The following MALL variants were observed in gnomAD, a reference collection of about 807,000 sequenced individuals.
The protein encoded by MALL is mal, T cell differentiation protein like, also known as MAL-like protein.
In MALL, 2 loss-of-function variants were observed where a neutral mutation model predicts 10.3. The ratio of observed to expected loss-of-function variants is 0.19; its 90% CI spans 0.08 to 0.61. The LOEUF is 0.61. Ranked by LOEUF, MALL falls within the 20% of genes least tolerant of loss-of-function variation. The pLI, the probability that MALL is intolerant of heterozygous loss-of-function variation, is 0.88. For synonymous variants in MALL, 27 were observed against 51.8 expected (o/e 0.52, Z 2.05); for missense variants, 39 against 115.2 (o/e 0.34, Z 3.03).
intron 1 of MALL, among the ~76,000 whole-genome samples, chr2:110,102,379 C>G (rs953161279): frequency 6.6e-6 from 1 of 152,212 alleles, no homozygotes; most frequent in Non-Finnish European, 1.5e-5. Context: ...TCTCTCTTTT[C>G]TCTTCCCTGC....
chr2:110,106,808 A>T (rs924482649), intron 1 of MALL, among the ~76,000 whole-genome samples: 2 of 152,146 alleles, frequency 1.3e-5, no homozygotes, highest in Non-Finnish European at 1.5e-5. Flanking sequence ...AACTGGAAAC[A>T]GGCAAACTGT....
intron 1 of MALL, among the ~76,000 whole-genome samples, chr2:110,098,101 A>G (rs1245316767): frequency 6.6e-6 from 1 of 151,798 alleles, no homozygotes; most frequent in Non-Finnish European, 1.5e-5. Flanking sequence ...TGCCATTGTG[A>G]TATTTCAGGA....
At chr2:110,116,465 C>T (rs1678924840), upstream of MALL, 1 of 152,376 alleles carries the variant, frequency 6.6e-6, no homozygotes, top group Non-Finnish European at 1.5e-5. Context: ...TCCTCCACTC[C>T]TCTTTTCCTC....
At chr2:110,095,980 C>G (rs1262732351) in intron 1 of MALL, among the ~76,000 whole-genome samples, 5 of 152,174 alleles carry the variant, frequency 3.3e-5, no homozygotes, top group Non-Finnish European at 5.9e-5. Context: ...AAAACAAAAA[C>G]TTATTTGGTC....
At chr2:110,100,489 A>AG (rs1678540889) in intron 1 of MALL, among the ~76,000 whole-genome samples, 2 of 151,796 alleles carry the variant, frequency 1.3e-5, no homozygotes, top group East Asian at 1.9e-4. Context: ...TAAAAAAAAA[A>AG]AACTTAAGCA....
chr2:110,112,485 TCAA>T (rs1463360656), intron 1 of MALL, among the ~76,000 whole-genome samples: 1 of 152,038 alleles, frequency 6.6e-6, no homozygotes, highest in Non-Finnish European at 1.5e-5. Flanking sequence ...GAAAAAATGC[TCAA>T]CATCACTAAT....
At chr2:110,108,136 C>G (rs1217217496) in intron 1 of MALL, among the ~76,000 whole-genome samples, 1 of 152,066 alleles carries the variant, frequency 6.6e-6, no homozygotes, top group African/African-American at 2.4e-5. Flanking sequence ...ATCTTCAATA[C>G]CCCCCAAAAT....
At position 110,100,015 on chromosome 2, in the gene MALL, A is replaced by G. The variant is rs189622974; in HGVS notation, c.106-8245T>C. Among the ~76,000 whole-genome samples, 54 of 151,928 alleles carry G rather than the reference A, an allele frequency of 3.6e-4. No individual in the cohort carries two copies. In the East Asian group the frequency reaches 9.5e-3, roughly 27 times the overall value. Reference sequence around the variant, plus strand: ...CCCATACCCCTCACCCTCTCTTCAAACACTCCACTGCCTCACCTGACTCCC... The same window carrying G: ...CCCATACCCCTCACCCTCTCTTCAAGCACTCCACTGCCTCACCTGACTCCC... On this transcript the variant is annotated intron_variant, in intron 1 of 3. Coordinates refer to ENST00000272462, the MANE Select transcript of MALL (RefSeq NM_005434.5).
intron 1 of MALL, among the ~76,000 whole-genome samples, chr2:110,113,030 G>T (rs1049588042): frequency 3.3e-5 from 5 of 151,994 alleles, no homozygotes; most frequent in Admixed American, 6.6e-5. Context: ...ACCAAACATC[G>T]TATGTTCTCA....
rs142141404 is a variant in MALL at position 110,105,970 on chromosome 2, G to A, written c.105+9718C>T. On this transcript the variant is annotated intron_variant, in intron 1 of 3. Coordinates refer to ENST00000272462, the MANE Select transcript of MALL (RefSeq NM_005434.5). Reference sequence around the variant, plus strand: ...GGGTAAGACATACAATGAACTTGCCGAACTGGAAGAGCTCAGGATGAACTT... The same window carrying A: ...GGGTAAGACATACAATGAACTTGCCAAACTGGAAGAGCTCAGGATGAACTT... Among the ~76,000 whole-genome samples the A allele has an allele frequency of 3.4e-4, 52 of 152,282 alleles. No individual in the cohort carries two copies. The East Asian group carries it at 7.5e-3, about 22-fold the overall frequency.
chr2:110,090,158 G>GT (rs1165232804), intron 2 of MALL, among the ~76,000 whole-genome samples: 1 of 138,754 alleles, frequency 7.2e-6, no homozygotes, highest in Non-Finnish European at 1.5e-5. Context: ...AATACACAGT[G>GT]TTTTTAATGT....
At chr2:110,111,021 C>T (rs918136292) in intron 1 of MALL, among the ~76,000 whole-genome samples, 6 of 152,098 alleles carry the variant, frequency 3.9e-5, no homozygotes, top group African/African-American at 1.2e-4. Flanking sequence ...TCCAGCATTG[C>T]TTTATTGTCA....
At chr2:110,111,799 A>G (rs551916863) in intron 1 of MALL, among the ~76,000 whole-genome samples, 1 of 152,264 alleles carries the variant, frequency 6.6e-6, no homozygotes, top group Non-Finnish European at 1.5e-5. Context: ...AAAAGAACAA[A>G]TCTGGAGGCA....
chr2:110,113,435 CAAAAAAAAAAAAAAAAA>C (rs58360665), intron 1 of MALL, among the ~76,000 whole-genome samples: 5 of 31,812 alleles, frequency 1.6e-4, no homozygotes, highest in African/African-American at 3.7e-4. Flanking sequence ...GACTCTGTCT[CAAAAAAAAAAAAAAAAA>C]AAAAAAAAGA....
chr2:110,112,409 A>C (rs1274939104), intron 1 of MALL, among the ~76,000 whole-genome samples: 1 of 152,172 alleles, frequency 6.6e-6, no homozygotes, highest in Non-Finnish European at 1.5e-5. Flanking sequence ...CAATCCCATC[A>C]AAAAGTGGGC....
chr2:110,107,319 C>T (rs1678717555), intron 1 of MALL, among the ~76,000 whole-genome samples: 1 of 151,890 alleles, frequency 6.6e-6, no homozygotes, highest in East Asian at 1.9e-4. Flanking sequence ...ATCTTGCCCT[C>T]CACCTAGAAA....
chr2:110,110,763 CAAAAA>C (rs1395522657), intron 1 of MALL, among the ~76,000 whole-genome samples: 1 of 151,768 alleles, frequency 6.6e-6, no homozygotes, highest in Non-Finnish European at 1.5e-5. Context: ...AGGACGTAAC[CAAAAA>C]AGAAAACTAC....
intron 1 of MALL, among the ~76,000 whole-genome samples, chr2:110,105,418 C>T (rs1678666438): frequency 6.6e-6 from 1 of 152,202 alleles, no homozygotes; most frequent in Non-Finnish European, 1.5e-5. Flanking sequence ...ACATCCTTGG[C>T]CATTATTCCA....
chr2:110,096,281 T>C (rs1332181185), intron 1 of MALL, among the ~76,000 whole-genome samples: 2 of 152,122 alleles, frequency 1.3e-5, no homozygotes, highest in African/African-American at 2.4e-5. Context: ...CTGCTTCTAC[T>C]CTCACCTCCA....
Sources: gnomAD v4.1 joint callset for allele counts (sites outside exome capture counted in the v4.1 genomes callset) on GRCh38, gnomAD v4.1.1 for gene constraint, MANE v1.5 for transcripts, NCBI Gene and HGNC (gene_info 2026-07-23, HGNC 2026-07-21) for gene names.